SPHKAP: variants seen among roughly 807,000 people sequenced by gnomAD.
SPHKAP encodes SPHK1 interactor, AKAP domain containing.
Under a neutral mutation model 137.5 loss-of-function variants are expected in SPHKAP, and 67 were observed. That is an observed-to-expected ratio of 0.49 (90% CI 0.40 to 0.60). The LOEUF (loss-of-function observed/expected upper bound fraction) is 0.60, where lower values mean the gene tolerates loss of function less well. Ranked by LOEUF, SPHKAP falls within the 20% of genes least tolerant of loss-of-function variation. The pLI, the probability that SPHKAP is intolerant of heterozygous loss-of-function variation, is 0.00. For synonymous variants in SPHKAP, 813 were observed against 785.3 expected (o/e 1.04, Z -0.59); for missense variants, 2,097 against 2,069.3 (o/e 1.01, Z -0.26).
intron 9 of SPHKAP, chr2:227,991,586 G>C: frequency 5.1e-6 from 5 of 985,424 alleles, no homozygotes; most frequent in Non-Finnish European, 6.0e-6. Flanking sequence ...GCTGGTGTGG[G>C]AGACTGAGAG....
At chr2:228,041,117 A>AT (rs1305422880) in intron 3 of SPHKAP, among the ~76,000 whole-genome samples, 1 of 152,176 alleles carries the variant, frequency 6.6e-6, no homozygotes, top group African/African-American at 2.4e-5. Flanking sequence ...TTCCTATATG[A>AT]TTTTTTAGGA....
At chr2:228,011,272 A>C (rs1574742292) in intron 7 of SPHKAP, among the ~76,000 whole-genome samples, 1 of 148,702 alleles carries the variant, frequency 6.7e-6, no homozygotes, top group African/African-American at 2.5e-5. Context: ...TGGTGGGTGA[A>C]CTTTTTCCAT....
chr2:228,132,454 C>G, intron 1 of SPHKAP: 1 of 621,654 alleles, frequency 1.6e-6, no homozygotes, highest in South Asian at 7.2e-5. Context: ...AACACCAACA[C>G]ATAACAAAAT....
chr2:228,168,754 A>G (rs916480894), intron 1 of SPHKAP, among the ~76,000 whole-genome samples: 3 of 152,180 alleles, frequency 2.0e-5, no homozygotes, highest in Non-Finnish European at 2.9e-5. Flanking sequence ...CTCACCTTAC[A>G]TCTAAAACTG....
At chr2:227,982,835 T>A (rs1693051050) in intron 11 of SPHKAP, among the ~76,000 whole-genome samples, 1 of 152,236 alleles carries the variant, frequency 6.6e-6, no homozygotes, top group Non-Finnish European at 1.5e-5. Context: ...AAAAGAACTA[T>A]GCCTGCACAT....
At chr2:228,051,949 A>G (rs1012292838) in intron 3 of SPHKAP, among the ~76,000 whole-genome samples, 4 of 151,344 alleles carry the variant, frequency 2.6e-5, no homozygotes, top group Admixed American at 1.3e-4. Flanking sequence ...CAAACGCCCC[A>G]CCTTCTATCT....
chr2:228,089,359 C>A (rs1379103664), intron 3 of SPHKAP, among the ~76,000 whole-genome samples: 2 of 152,154 alleles, frequency 1.3e-5, no homozygotes, highest in Non-Finnish European at 2.9e-5. Context: ...GTTCAAGTGG[C>A]AGCATGACTG....
chr2:228,140,443 C>A (rs142339702), intron 1 of SPHKAP, among the ~76,000 whole-genome samples: 67 of 152,220 alleles, frequency 4.4e-4, no homozygotes, highest in African/African-American at 1.5e-3. Flanking sequence ...CTCTGATACT[C>A]TGATATATGA....
chr2:228,053,487 G>A (rs1696332461), intron 3 of SPHKAP, among the ~76,000 whole-genome samples: 4 of 152,152 alleles, frequency 2.6e-5, no homozygotes, highest in Admixed American at 2.6e-4. Flanking sequence ...CTGGCTTACA[G>A]CATTCTTGGA....
intron 1 of SPHKAP, among the ~76,000 whole-genome samples, chr2:228,175,293 G>C (rs936773438): frequency 6.6e-6 from 1 of 151,570 alleles, no homozygotes; most frequent in Non-Finnish European, 1.5e-5. Flanking sequence ...ATAAATGAAG[G>C]TTTTTTTTCA....
In SPHKAP at chr2:228,124,350, T is replaced by C. The variant is rs4553814; in HGVS notation, c.138+7630A>G. ...AACCAACCCAAATGTCCAACAATGA[T>C]AGACTGGATTAAGAAAATGTGGCAC... On this transcript the variant is annotated intron_variant, in intron 2 of 11. Coordinates refer to ENST00000392056, the MANE Select transcript of SPHKAP (RefSeq NM_001142644.2). Among the ~76,000 whole-genome samples, 1,247 of 152,008 alleles carry C rather than the reference T, an allele frequency of 8.2e-3. 13 individuals carry two copies. Among genetic ancestry groups the C allele is most frequent in the African/African-American group, 0.028 (1,168 of 41,482 alleles).
At chr2:228,168,619 A>G (rs1029242426) in intron 1 of SPHKAP, among the ~76,000 whole-genome samples, 1 of 152,126 alleles carries the variant, frequency 6.6e-6, no homozygotes, top group South Asian at 2.1e-4. Context: ...ACTGGAAGTT[A>G]CCCCTTCTTT....
intron 3 of SPHKAP, among the ~76,000 whole-genome samples, chr2:228,061,719 T>A (rs770473793): frequency 6.6e-6 from 1 of 151,352 alleles, no homozygotes; most frequent in East Asian, 1.9e-4. Context: ...ACTCTGAATA[T>A]CCAGGAAATA....
intron 3 of SPHKAP, among the ~76,000 whole-genome samples, chr2:228,072,451 C>T (rs1478282954): frequency 6.6e-6 from 1 of 152,042 alleles, no homozygotes; most frequent in African/African-American, 2.4e-5. Context: ...GCTACTTTTG[C>T]ATGATGTGAC....
intron 3 of SPHKAP, among the ~76,000 whole-genome samples, chr2:228,077,661 G>A (rs1412722693): frequency 6.6e-6 from 1 of 152,200 alleles, no homozygotes; most frequent in Non-Finnish European, 1.5e-5. Flanking sequence ...GATTTTACAG[G>A]CTCATAGGTG....
chr2:228,064,748 A>G (rs1696772374), intron 3 of SPHKAP, among the ~76,000 whole-genome samples: 1 of 152,236 alleles, frequency 6.6e-6, no homozygotes, highest in South Asian at 2.1e-4. Context: ...AAGAGAACTG[A>G]TAAAGAACAC....
chr2:228,173,752 G>A (rs946386180), intron 1 of SPHKAP, among the ~76,000 whole-genome samples: 1 of 152,162 alleles, frequency 6.6e-6, no homozygotes, highest in Admixed American at 6.5e-5. Context: ...GATGATAAAT[G>A]TATTGTTTTA....
intron 1 of SPHKAP, among the ~76,000 whole-genome samples, chr2:228,159,655 C>T (rs889218576): frequency 1.3e-5 from 2 of 152,126 alleles, no homozygotes. Context: ...AGAGAAACTG[C>T]TTTAAGAAAA....
intron 3 of SPHKAP, among the ~76,000 whole-genome samples, chr2:228,059,889 C>T (rs758163113): frequency 2.0e-5 from 3 of 152,168 alleles, no homozygotes; most frequent in South Asian, 2.1e-4. Flanking sequence ...CACAATTTAT[C>T]GCGCTCTATG....
Sources: gnomAD v4.1 joint callset for allele counts (sites outside exome capture counted in the v4.1 genomes callset) on GRCh38, gnomAD v4.1.1 for gene constraint, MANE v1.5 for transcripts, NCBI Gene and HGNC (gene_info 2026-07-23, HGNC 2026-07-21) for gene names.